CSRNP3: variants seen among roughly 807,000 people sequenced by gnomAD.
The protein encoded by CSRNP3 is cysteine/serine-rich nuclear protein 3.
A neutral mutation model predicts 48.0 loss-of-function variants in CSRNP3; 12 were observed. That is an observed-to-expected ratio of 0.25 (90% CI 0.16 to 0.41). CSRNP3 has a LOEUF of 0.41. Among genes scored for constraint, CSRNP3 ranks in the 10% least tolerant of loss-of-function variants. CSRNP3 has a pLI of 1.00. For missense variants in CSRNP3, 580 were observed against 724.4 expected (o/e 0.80, Z 2.29); for synonymous variants, 263 against 269.7 (o/e 0.98, Z 0.24).
chr2:165,620,207 A>G (rs985485973), intron 4 of CSRNP3, among the ~76,000 whole-genome samples: 2 of 152,174 alleles, frequency 1.3e-5, no homozygotes, highest in African/African-American at 4.8e-5. Flanking sequence ...GCTTATGTCC[A>G]TATAAATCTT....
At chr2:165,522,543 T>G (rs1684676387) in intron 3 of CSRNP3, among the ~76,000 whole-genome samples, 1 of 151,780 alleles carries the variant, frequency 6.6e-6, no homozygotes, top group Non-Finnish European at 1.5e-5. Context: ...GGAAAAGAGT[T>G]TATTACATAT....
At chr2:165,544,439 C>G (rs1338641999) in intron 3 of CSRNP3, among the ~76,000 whole-genome samples, 1 of 151,936 alleles carries the variant, frequency 6.6e-6, no homozygotes, top group Admixed American at 6.6e-5. Context: ...AAGGGAGAAC[C>G]ATTGGAGGGT....
rs1558968147 is a variant in CSRNP3 at position 165,666,970 on chromosome 2, G to GAGAGAGAGGAA, written c.408+8950_408+8951insAGAGAGAGGAA. ...AGAGAGAGAGGAAGGAAGGAAGGAAGGAAAGAGAGAGAGGAAGAAAGAAAG... is the reference window on the plus strand; with the variant it reads ...AGAGAGAGAGGAAGGAAGGAAGGAAGAGAGAGAGGAAGAAAGAGAGAGAGGAAGAAAGAAAG... On this transcript the variant is annotated intron_variant, in intron 5 of 6. Coordinates refer to ENST00000651982, the MANE Select transcript of CSRNP3 (RefSeq NM_001172173.2). 4.0e-4 allele frequency among the ~76,000 whole-genome samples: 8 copies of GAGAGAGAGGAA among 19,880 alleles called. 2 individuals carry two copies. Among genetic ancestry groups the GAGAGAGAGGAA allele is most frequent in the Non-Finnish European group, 1.2e-3 (7 of 5,936 alleles). 13.0% of individuals were successfully genotyped at this position (19,880 alleles called of 152,430 possible).
chr2:165,593,934 A>T (rs995573180), intron 3 of CSRNP3, among the ~76,000 whole-genome samples: 3 of 152,204 alleles, frequency 2.0e-5, no homozygotes, highest in Admixed American at 6.5e-5. Context: ...ACCTGACCTT[A>T]TCTGATGGGT....
intron 3 of CSRNP3, among the ~76,000 whole-genome samples, chr2:165,576,566 G>A (rs953406612): frequency 6.6e-6 from 1 of 152,038 alleles, no homozygotes; most frequent in African/African-American, 2.4e-5. Flanking sequence ...GTGATTCTGT[G>A]AGCCACAAGA....
intron 4 of CSRNP3, among the ~76,000 whole-genome samples, chr2:165,605,713 T>C (rs1685999333): frequency 6.6e-6 from 1 of 152,054 alleles, no homozygotes; most frequent in Non-Finnish European, 1.5e-5. Flanking sequence ...AATTTATAGG[T>C]CCAACTTATC....
rs1684416469 is a variant in CSRNP3, at chr2:165,505,745, T to C, written c.-113+10817T>C. On this transcript the variant is annotated intron_variant, in intron 2 of 6. Transcript: ENST00000651982. ...TAAAAGGGAGAGAATTCATTCAGTA[T>C]TGTGGCAACAAGGCTTGTCAACATA... 2.0e-5 allele frequency among the ~76,000 whole-genome samples: 3 copies of C among 152,274 alleles called. No individual in the cohort carries two copies. In the South Asian group the frequency reaches 6.2e-4, roughly 32 times the overall value.
intron 5 of CSRNP3, among the ~76,000 whole-genome samples, chr2:165,672,087 C>T (rs1392534139): frequency 1.3e-5 from 2 of 152,186 alleles, no homozygotes; most frequent in Non-Finnish European, 2.9e-5. Context: ...AACTTTCCCA[C>T]ATTTTCCTGT....
intron 3 of CSRNP3, among the ~76,000 whole-genome samples, chr2:165,546,581 A>C (rs568073687): frequency 1.6e-4 from 24 of 152,298 alleles, no homozygotes; most frequent in African/African-American, 5.5e-4. Flanking sequence ...CATTCTAAAC[A>C]ATTTCTTCAC....
chr2:165,544,311 A>T (rs966515142), intron 3 of CSRNP3, among the ~76,000 whole-genome samples: 11 of 152,164 alleles, frequency 7.2e-5, no homozygotes, highest in Non-Finnish European at 1.5e-4. Context: ...ACAGCACAGC[A>T]ATGAGGCCAT....
chr2:165,602,786 AG>A (rs1454037382), intron 4 of CSRNP3, among the ~76,000 whole-genome samples: 32 of 152,306 alleles, frequency 2.1e-4, no homozygotes, highest in African/African-American at 7.5e-4. Context: ...ACCTGCTACA[AG>A]GTTCATATCA....
chr2:165,523,077 G>T (rs1340181662), intron 3 of CSRNP3, among the ~76,000 whole-genome samples: 1 of 152,122 alleles, frequency 6.6e-6, no homozygotes, highest in Non-Finnish European at 1.5e-5. Context: ...TGAGGTCATT[G>T]TGTGGAAACT....
At chr2:165,504,811 G>A (rs971285607) in intron 2 of CSRNP3, among the ~76,000 whole-genome samples, 1 of 152,022 alleles carries the variant, frequency 6.6e-6, no homozygotes, top group African/African-American at 2.4e-5. Flanking sequence ...TATCTCAAGA[G>A]TTTGTTAAAA....
chr2:165,559,145 A>G (rs960035935), intron 3 of CSRNP3, among the ~76,000 whole-genome samples: 1 of 152,214 alleles, frequency 6.6e-6, no homozygotes, highest in Non-Finnish European at 1.5e-5. Flanking sequence ...TTAATCATAT[A>G]GAAATTGGAA....
Position 165,663,290 on chromosome 2 carries a change from G to C in CSRNP3, c.408+5270G>C, listed in dbSNP as rs191238056. Among the ~76,000 whole-genome samples, 274 of 152,220 alleles carry C rather than the reference G, an allele frequency of 1.8e-3. 2 individuals carry two copies. Among genetic ancestry groups the C allele is most frequent in the African/African-American group, 6.2e-3 (259 of 41,534 alleles). ...TTTATTAGATGTGTCAGAACCTGCT[G>C]GTCATGATATGTTTGAACTCCACTT... On this transcript the variant is annotated intron_variant, in intron 5 of 6. Transcript: ENST00000651982.
chr2:165,505,649 T>C (rs1684415334), intron 2 of CSRNP3, among the ~76,000 whole-genome samples: 1 of 152,218 alleles, frequency 6.6e-6, no homozygotes, highest in Non-Finnish European at 1.5e-5. Flanking sequence ...GGCTTCTCTA[T>C]CTTAAAAGGC....
At chr2:165,640,835 G>T (rs1267527938) in intron 4 of CSRNP3, among the ~76,000 whole-genome samples, 2 of 152,090 alleles carry the variant, frequency 1.3e-5, no homozygotes, top group Admixed American at 6.6e-5. Flanking sequence ...GTAAGGTTTT[G>T]GTAAATTACT....
chr2:165,606,212 C>T (rs1203091973), intron 4 of CSRNP3, among the ~76,000 whole-genome samples: 2 of 150,192 alleles, frequency 1.3e-5, no homozygotes, highest in African/African-American at 4.9e-5. Context: ...TATTTGGGTA[C>T]ATTAAAATAA....
chr2:165,546,156 A>G (rs1381978019), intron 3 of CSRNP3, among the ~76,000 whole-genome samples: 1 of 151,878 alleles, frequency 6.6e-6, no homozygotes, highest in Non-Finnish European at 1.5e-5. Flanking sequence ...TTCTTCACAA[A>G]TATCTGTCTT....
Sources: allele counts gnomAD v4.1 joint callset (sites outside exome capture counted in the v4.1 genomes callset), GRCh38; gene constraint gnomAD v4.1.1; transcripts MANE v1.5; gene names NCBI Gene and HGNC (gene_info 2026-07-23, HGNC 2026-07-21).